FXR2: variants seen among roughly 807,000 people sequenced by gnomAD.
FXR2 encodes the protein FMR1 autosomal homolog 2.
FXR2 carries 9 observed loss-of-function variants against 87.3 expected under a neutral mutation model. The ratio of observed to expected loss-of-function variants is 0.10; its 90% CI spans 0.06 to 0.18. FXR2 has a LOEUF of 0.18. FXR2 is among the 10% of genes least tolerant of loss of function. The pLI is 1.00. For missense variants in FXR2, 661 were observed against 893.6 expected, an observed-to-expected ratio of 0.74 and a Z score of 3.32; for synonymous variants, 331 against 328.3, an observed-to-expected ratio of 1.01 and a Z score of -0.09.
intron 6 of FXR2, 179 bp downstream of exon 6, chr17:7,602,729 CA>C: frequency 8.8e-5 from 45 of 511,348 alleles, no homozygotes; most frequent in East Asian, 1.3e-4. Flanking sequence ...GACTTCGTCT[CA>C]AAAAAAAGAA....
At chr17:7,598,120 C>G (rs896319797) in intron 7 of FXR2, among the ~76,000 whole-genome samples, 1 of 152,118 alleles carries the variant, frequency 6.6e-6, no homozygotes, top group Admixed American at 6.6e-5. Flanking sequence ...ATTCTTGCCC[C>G]CCTTTCCATC....
chr17:7,614,181 G>A (rs1267981054), intron 1 of FXR2: 2 of 661,922 alleles, frequency 3.0e-6, no homozygotes, highest in East Asian at 5.9e-5. Flanking sequence ...CTGCGGAGCG[G>A]GGAGCGCCAA....
rs2071700817 is a variant in FXR2 at position 7,595,549 on chromosome 17, C to T, written c.831+275G>A. On this transcript the variant is annotated intron_variant, in intron 8 of 16. Transcript: ENST00000250113. The surrounding 1 kb of genome is among the most constrained non-coding windows in gnomAD (Gnocchi z 4.7). Reference sequence around the variant, plus strand: ...ACTCCCAGGCTCAAGTGATCCTCCCCTCTATCTTCCCATTTCAGCCTCCCA... The same window carrying T: ...ACTCCCAGGCTCAAGTGATCCTCCCTTCTATCTTCCCATTTCAGCCTCCCA... 6.6e-6 allele frequency among the ~76,000 whole-genome samples: 1 copy of T among 152,050 alleles called. No homozygotes were observed. Among genetic ancestry groups the T allele is most frequent in the African/African-American group, 2.4e-5 (1 of 41,390 alleles).
intron 7 of FXR2, among the ~76,000 whole-genome samples, chr17:7,600,048 C>T (rs879846158): frequency 2.0e-5 from 3 of 151,432 alleles, no homozygotes; most frequent in Admixed American, 6.6e-5. Context: ...CAGGCGCCTG[C>T]CACCACGCCT....
At chr17:7,603,184 TAAA>T (rs373560232) in intron 5 of FXR2, among the ~76,000 whole-genome samples, 182 bp from the exon 6 acceptor site, 1 of 135,610 alleles carries the variant, frequency 7.4e-6, no homozygotes, top group Admixed American at 7.5e-5. Context: ...CTGTCTCTAT[TAAA>T]AAAAAAAAAA....
rs1302348158 is a variant in FXR2 at position 7,610,045 on chromosome 17, TATAC to T, written c.82-3900_82-3897del. Reference sequence around the variant, plus strand: ...GTATATGTATACATGTATGTATATATATACACACACACACACACACATATATATA... The same window carrying T: ...GTATATGTATACATGTATGTATATATACACACACACACACACATATATATA... On this transcript the variant is annotated intron_variant, in intron 1 of 16. Coordinates refer to ENST00000250113, the MANE Select transcript of FXR2 (RefSeq NM_004860.4). Among the ~76,000 whole-genome samples the T allele has an allele frequency of 1.5e-3, 123 of 82,134 alleles. 5 individuals are homozygous for T. In the South Asian group the frequency reaches 0.026, roughly 18 times the overall value. The allele number at this position is 82,134 out of a possible 152,430, so 53.9% of individuals were successfully genotyped here.
chr17:7,609,445 A>G (rs1048920147), intron 1 of FXR2, among the ~76,000 whole-genome samples: 2 of 152,170 alleles, frequency 1.3e-5, no homozygotes, highest in African/African-American at 4.8e-5. Context: ...GAGCCTTACT[A>G]CTGCCCAAGG....
intron 7 of FXR2, among the ~76,000 whole-genome samples, chr17:7,598,883 T>C (rs1470509551): frequency 2.0e-5 from 3 of 152,080 alleles, no homozygotes; most frequent in African/African-American, 7.2e-5. Flanking sequence ...TAGTGGCTCA[T>C]GCCTGTAATC....
rs1006180153 is a variant in FXR2, at chr17:7,591,522, C to G, written c.*308G>C. On this transcript the variant is annotated 3_prime_UTR_variant, in exon 17 of 17. Coordinates refer to ENST00000250113, the MANE Select transcript of FXR2 (RefSeq NM_004860.4). This position sits in a 1 kb window ranked among gnomAD's most constrained non-coding sequence, Gnocchi z 4.0. The stretch of plus-strand genomic sequence containing the variant: ...TCTGGGTGGGTCGAGGAGCACCCCC[C>G]ACCAACAGGTGGAGAATGGGGGTGT... 7 of 351,680 alleles carry G rather than the reference C, an allele frequency of 2.0e-5. No individual in the cohort carries two copies. The highest frequency in any genetic ancestry group is 3.2e-5 in the Non-Finnish European group (6 of 184,976). The allele number at this position is 351,680 out of a possible 1,614,324, so 21.8% of individuals were successfully genotyped here. A position where few individuals can be genotyped will look rare whatever the true frequency, so the allele number is the denominator to read the frequency against.
Position 7,592,512 on chromosome 17 carries a change from C to G in FXR2, c.1817G>C (p.Arg606Pro), listed in dbSNP as rs187810998. Residue 606 changes from arginine to proline, a missense_variant, in exon 15 of 17, where the codon CGC (arginine) becomes CCC (proline). Physicochemically the swap from Arg to Pro is moderately radical, Grantham distance 103. Transcript: ENST00000250113. The surrounding 1 kb of genome is among the most constrained non-coding windows in gnomAD (Gnocchi z 4.8). ...GTCCAGAGTTGGCTGACCTGGCTGG[C>G]GGTCTCCACTGATAGAGCCATCAGT... ...NRTDGSISGD[R>P]QPVTVADYIS... 9.9e-6 allele frequency: 16 copies of G among 1,613,654 alleles called. No homozygotes were observed. In the Admixed American group the frequency reaches 2.5e-4, roughly 25 times the overall value.
rs749781417 is a variant in FXR2, at chr17:7,594,241, C to T, written c.1017G>A (p.Glu339=). ...CCCACTTGCCCCGTACCCATACCTC[C>T]TCCCTGGGGTTCTTCTTGTCATTAT... The part of the protein sequence containing the change: ...EGDNDKKNPR[E]EGMVPFIFVG... The change falls in exon 10 of 17, where the codon GAG becomes GAA. Residue 339 remains glutamate (E), a synonymous_variant. Coordinates refer to ENST00000250113, the MANE Select transcript of FXR2 (RefSeq NM_004860.4). The surrounding 1 kb of genome is among the most constrained non-coding windows in gnomAD (Gnocchi z 5.1). The T allele has an allele frequency of 6.4e-7, 1 of 1,572,966 alleles. No homozygotes were observed. Among genetic ancestry groups the T allele is most frequent in the Non-Finnish European group, 8.8e-7 (1 of 1,142,684 alleles).
At chr17:7,614,426 C>A (rs544043356) in intron 1 of FXR2, 26 bp downstream of exon 1, 4 of 1,493,684 alleles carry the variant, frequency 2.7e-6, no homozygotes, top group Admixed American at 4.1e-5. Context: ...TAAGGACCGG[C>A]GTCCCCAGTC....
intron 3 of FXR2, among the ~76,000 whole-genome samples, chr17:7,604,549 G>A (rs1021183466): frequency 4.0e-5 from 6 of 151,646 alleles, no homozygotes; most frequent in East Asian, 2.0e-4. Context: ...AAAATTAGCC[G>A]GGTGTGGTGC....
In FXR2 at chr17:7,593,325, C is replaced by T; in HGVS notation, c.1330+78G>A. 1 of 1,283,728 alleles carries T rather than the reference C, an allele frequency of 7.8e-7. No individual in the cohort carries two copies. The highest frequency in any genetic ancestry group is 1.1e-6 in the Non-Finnish European group (1 of 929,432). The allele number at this position is 1,283,728 out of a possible 1,614,324, so 79.5% of individuals were successfully genotyped here. A position where few individuals can be genotyped will look rare whatever the true frequency, so the allele number is the denominator to read the frequency against. ...TTTCATCATCTCCATTCCAGATTTC[C>T]CCAAACTTCCATCCAGACCTCTGCC... On this transcript the variant is annotated intron_variant, in intron 12 of 16. Transcript: ENST00000250113. This position sits in a 1 kb window ranked among gnomAD's most constrained non-coding sequence, Gnocchi z 6.1.
chr17:7,600,999 G>A lies in FXR2; in HGVS notation c.660+410C>T, dbSNP rs566352405. On this transcript the variant is annotated intron_variant, in intron 7 of 16. Coordinates refer to ENST00000250113, the MANE Select transcript of FXR2 (RefSeq NM_004860.4). ...GTTCGAGGCCAGCTTGGGCAACATG[G>A]CAAAACCCCATCTTACTAATAATAC... is the stretch of plus-strand genomic sequence containing the variant. Among the ~76,000 whole-genome samples the A allele has an allele frequency of 6.2e-4, 94 of 150,428 alleles. 1 individual carries two copies. Among genetic ancestry groups the A allele is most frequent in the East Asian group, 3.9e-3 (20 of 5,080 alleles).
At position 7,592,752 on chromosome 17, in the gene FXR2, C is replaced by T. The variant is rs1242996328; in HGVS notation, c.1671G>A (p.Arg557=). The change falls in exon 14 of 17, where the codon AGG becomes AGA. Residue 557 remains arginine, a synonymous_variant. Coordinates refer to ENST00000250113, the MANE Select transcript of FXR2 (RefSeq NM_004860.4). This position sits in a 1 kb window ranked among gnomAD's most constrained non-coding sequence, Gnocchi z 4.8. The stretch of plus-strand genomic sequence containing the variant: ...ATTCCAGGCCTCCATCCATGACGGT[C>T]CTGTCTTCATCAGTGCGGCGGCGGC... ...RSRRRRTDED[R]TVMDGGLESD... 2 of 1,613,720 alleles carry T rather than the reference C, an allele frequency of 1.2e-6. No individual in the cohort carries two copies. Among genetic ancestry groups the T allele is most frequent in the Admixed American group, 1.7e-5 (1 of 59,994 alleles).
At position 7,594,589 on chromosome 17, in the gene FXR2, A is replaced by G; in HGVS notation, c.910+90T>C. The G allele has an allele frequency of 2.3e-6, 2 of 865,570 alleles. No individual in the cohort carries two copies. The highest frequency in any genetic ancestry group is 4.0e-6 in the Non-Finnish European group (2 of 501,924). The allele number at this position is 865,570 out of a possible 1,614,324, so 53.6% of individuals were successfully genotyped here. On this transcript the variant is annotated intron_variant, in intron 9 of 16. Coordinates refer to ENST00000250113, the MANE Select transcript of FXR2 (RefSeq NM_004860.4). The surrounding 1 kb of genome is among the most constrained non-coding windows in gnomAD (Gnocchi z 5.1). ...TGTCCTTGTGAAACTGGGAGTCCAC[A>G]GGGAGGTGCCAATCCTGGATAAAAG...
intron 1 of FXR2, among the ~76,000 whole-genome samples, chr17:7,609,981 T>C (rs776382066): frequency 2.3e-4 from 11 of 48,542 alleles, no homozygotes; most frequent in African/African-American, 4.0e-4. Flanking sequence ...TATGTATACA[T>C]ATATATATAC....
chr17:7,598,441 C>T lies in FXR2; in HGVS notation c.661-2447G>A, dbSNP rs571852617. On this transcript the variant is annotated intron_variant, in intron 7 of 16. Coordinates refer to ENST00000250113, the MANE Select transcript of FXR2 (RefSeq NM_004860.4). ...ATGCACTCCAGCCTGGGTGACAGAG[C>T]GAGACTCCGTCTCAAAAACAAAACA... Among the ~76,000 whole-genome samples, 305 of 151,450 alleles carry T rather than the reference C, an allele frequency of 2.0e-3. 1 individual carries two copies. Among genetic ancestry groups the T allele is most frequent in the Non-Finnish European group, 3.6e-3 (245 of 67,766 alleles).
Sources: gnomAD v4.1 joint callset for allele counts (sites outside exome capture counted in the v4.1 genomes callset) on GRCh38, gnomAD v4.1.1 for gene constraint, Gnocchi (gnomAD v3.1) non-coding constraint, MANE v1.5 for transcripts, NCBI Gene and HGNC (gene_info 2026-07-23, HGNC 2026-07-21) for gene names.